Variants in ABCA12 observed in about 807,000 individuals in gnomAD.
ABCA12 encodes the protein glucosylceramide transporter ABCA12.
In ABCA12, 156 loss-of-function variants were observed where a neutral mutation model predicts 293.5. That is an observed-to-expected ratio of 0.53 (90% confidence interval 0.47 to 0.61). ABCA12 has a LOEUF of 0.61. ABCA12 is among the 20% of genes least tolerant of loss of function. The pLI is 0.00. For synonymous variants in ABCA12, 1,063 were observed against 1,108.0 expected (o/e 0.96, Z 0.81); for missense variants, 2,797 against 3,090.2 (o/e 0.91, Z 2.25).
intron 2 of ABCA12, among the ~76,000 whole-genome samples, chr2:215,108,421 G>A (rs1169821313): frequency 6.6e-6 from 1 of 152,098 alleles, no homozygotes; most frequent in Non-Finnish European, 1.5e-5. Context: ...CTGACTACTA[G>A]ATGTAAGAAA....
intron 1 of ABCA12, among the ~76,000 whole-genome samples, chr2:215,130,204 G>A (rs150852649): frequency 3.3e-5 from 5 of 150,794 alleles, no homozygotes; most frequent in South Asian, 2.1e-4. Context: ...TTGGCTATTC[G>A]GGCTTTCTCT....
chr2:214,959,934 A>G (rs140932220), intron 39 of ABCA12, among the ~76,000 whole-genome samples: 152 of 152,272 alleles, frequency 1.0e-3, no homozygotes, highest in African/African-American at 3.5e-3. Flanking sequence ...AGGGGATGCC[A>G]CTGAAGAAAG....
intron 44 of ABCA12, 51 bp downstream of exon 44, chr2:214,953,803 T>G (rs1698854110): frequency 8.1e-6 from 13 of 1,595,814 alleles, no homozygotes; most frequent in Non-Finnish European, 1.1e-5. Flanking sequence ...CTCAATAGGT[T>G]GAATTGAGTT....
At position 215,019,380 on chromosome 2, in the gene ABCA12, G is replaced by C. The variant is rs1413236836; in HGVS notation, c.1613C>G (p.Ala538Gly). Residue 538 changes from alanine (A) to glycine (G), a missense_variant, in exon 13 of 53, where the codon GCC becomes GGC. By Grantham distance (60) the Ala-to-Gly change is moderately conservative. Around this residue, in one of 3 missense-constraint regions of ABCA12, gnomAD observed 656 missense variants for 638.2 expected, o/e 1.03. Transcript: ENST00000272895. ...TGCACTGTTATTGACATGCAGCATGGCTTCTATGATCGGTATTAACTGAGT... is the reference window on the plus strand; with the variant it reads ...TGCACTGTTATTGACATGCAGCATGCCTTCTATGATCGGTATTAACTGAGT... ...NITQLIPIIE[A>G]MLHVNNSADA... The C allele has an allele frequency of 1.2e-6, 2 of 1,613,046 alleles. No individual in the cohort carries two copies. The highest frequency in any genetic ancestry group is 1.1e-5 in the South Asian group (1 of 91,030).
intron 2 of ABCA12, among the ~76,000 whole-genome samples, chr2:215,076,543 A>G (rs1312388613): frequency 6.6e-6 from 1 of 152,132 alleles, no homozygotes; most frequent in Non-Finnish European, 1.5e-5. Flanking sequence ...AGGAATGGGA[A>G]CTCTCATCCC....
intron 7 of ABCA12, among the ~76,000 whole-genome samples, chr2:215,044,197 T>C (rs561056138): frequency 4.3e-4 from 66 of 152,260 alleles, no homozygotes; most frequent in African/African-American, 1.6e-3. Flanking sequence ...TGCAGCCTCA[T>C]ACGGATCTAC....
At chr2:214,993,330 T>C (rs527356099) in intron 23 of ABCA12, among the ~76,000 whole-genome samples, 4 of 152,352 alleles carry the variant, frequency 2.6e-5, no homozygotes, top group African/African-American at 9.6e-5. Context: ...AAGGTCACTA[T>C]GGAAAGTTTC....
intron 3 of ABCA12, among the ~76,000 whole-genome samples, chr2:215,058,955 C>T (rs932368313): frequency 1.3e-5 from 2 of 151,974 alleles, no homozygotes; most frequent in Non-Finnish European, 2.9e-5. Context: ...AATGCATGTA[C>T]TTCCACTGGG....
intron 24 of ABCA12, 22 bp downstream of exon 24, chr2:214,990,680 G>A: frequency 6.2e-7 from 1 of 1,610,224 alleles, no homozygotes; most frequent in Non-Finnish European, 8.5e-7. Context: ...TTCCCACTCT[G>A]CCATTCCAAC....
chr2:215,058,431 T>C (rs1701463172), intron 3 of ABCA12, among the ~76,000 whole-genome samples: 1 of 152,046 alleles, frequency 6.6e-6, no homozygotes. Context: ...CCAGTCCCCA[T>C]GACCAAACCA....
chr2:215,046,363 G>T (rs1437030744), intron 6 of ABCA12, among the ~76,000 whole-genome samples: 2 of 150,056 alleles, frequency 1.3e-5, no homozygotes, highest in African/African-American at 4.9e-5. Flanking sequence ...CTTGGTTTAG[G>T]GTTGCAGATA....
intron 2 of ABCA12, among the ~76,000 whole-genome samples, chr2:215,103,705 A>G (rs1171849805): frequency 2.6e-5 from 4 of 152,226 alleles, no homozygotes; most frequent in Non-Finnish European, 5.9e-5. Context: ...ATAATACAGT[A>G]TAGAAAATAA....
intron 2 of ABCA12, among the ~76,000 whole-genome samples, chr2:215,083,647 T>C (rs568814672): frequency 1.3e-5 from 2 of 152,292 alleles, no homozygotes; most frequent in South Asian, 4.1e-4. Flanking sequence ...TAACTATTAA[T>C]AGAATTTCTA....
At chr2:215,057,502 G>A (rs1701442782) in intron 3 of ABCA12, among the ~76,000 whole-genome samples, 1 of 151,946 alleles carries the variant, frequency 6.6e-6, no homozygotes, top group African/African-American at 2.4e-5. Flanking sequence ...TATAGATCTG[G>A]AACCTACAAG....
Position 215,001,604 on chromosome 2 carries a change from C to A in ABCA12, c.2817G>T (p.Met939Ile). The A allele has an allele frequency of 2.5e-6, 4 of 1,613,768 alleles. No individual in the cohort carries two copies. Among genetic ancestry groups the A allele is most frequent in the Non-Finnish European group, 3.4e-6 (4 of 1,179,800 alleles). Residue 939 changes from methionine to isoleucine, a missense_variant, in exon 21 of 53, where the codon ATG becomes ATT. By Grantham distance (10) the Met-to-Ile change is conservative. Transcript: ENST00000272895. The stretch of plus-strand genomic sequence containing the variant: ...TGTAGAGCCTTTTAGCCTCTCTCTC[C>A]ATTTCATCTATGGTTTTTGCTGCCT... The part of the protein sequence containing the change: ...RIQAAKTIDE[M>I]EREAKRLYKS...
At chr2:214,937,478 G>A (rs1005803467) in intron 51 of ABCA12, 32 bp downstream of exon 51, 44 of 1,554,044 alleles carry the variant, frequency 2.8e-5, no homozygotes, top group South Asian at 4.5e-5. Context: ...GATTACAGGC[G>A]TGAGCCACTG....
chr2:214,969,369 A>C (rs886795343), intron 37 of ABCA12, among the ~76,000 whole-genome samples: 5 of 152,096 alleles, frequency 3.3e-5, no homozygotes, highest in Admixed American at 6.6e-5. Flanking sequence ...TCCAAGTAGT[A>C]ATTTTAAGAA....
intron 2 of ABCA12, among the ~76,000 whole-genome samples, chr2:215,071,193 T>C (rs1238801456): frequency 7.3e-6 from 1 of 136,446 alleles, no homozygotes; most frequent in Non-Finnish European, 1.6e-5. Flanking sequence ...TGAGATCCTG[T>C]CTCAAATAAA....
In ABCA12 at chr2:215,092,271, C is replaced by T. The variant is rs572233809; in HGVS notation, c.163+19326G>A. 6.8e-4 allele frequency among the ~76,000 whole-genome samples: 104 copies of T among 152,274 alleles called. 1 individual carries two copies. The highest frequency in any genetic ancestry group is 2.5e-3 in the African/African-American group (102 of 41,552). On this transcript the variant is annotated intron_variant, in intron 2 of 52. Transcript: ENST00000272895. Reference sequence around the variant, plus strand: ...GGCTGCTAGACCCCTTAAAACTCCCCACCTCTGGTGCCAATTTGGACAATA... The same window carrying T: ...GGCTGCTAGACCCCTTAAAACTCCCTACCTCTGGTGCCAATTTGGACAATA...
Sources: allele counts gnomAD v4.1 joint callset (sites outside exome capture counted in the v4.1 genomes callset), GRCh38; gene constraint gnomAD v4.1.1; regional missense constraint gnomAD v4.1.1; transcripts MANE v1.5; gene names NCBI Gene and HGNC (gene_info 2026-07-23, HGNC 2026-07-21).